TMTC4: variants seen among roughly 807,000 people sequenced by gnomAD.
TMTC4 encodes protein O-mannosyl-transferase TMTC4.
TMTC4 carries 65 observed loss-of-function variants against 86.0 expected under a neutral mutation model. That is an observed-to-expected ratio of 0.76 (90% CI 0.62 to 0.93). The LOEUF (loss-of-function observed/expected upper bound fraction) is 0.93, where lower values mean the gene tolerates loss of function less well. Ranked by LOEUF, TMTC4 falls within the 40% of genes least tolerant of loss-of-function variation. TMTC4 has a pLI of 0.00. For synonymous variants in TMTC4, 379 were observed against 382.5 expected (o/e 0.99, Z 0.11); for missense variants, 866 against 948.1 (o/e 0.91, Z 1.14).
chr13:100,668,233 AC>A, intron 3 of TMTC4: 1 of 177,206 alleles, frequency 5.6e-6, no homozygotes, highest in Middle Eastern at 2.5e-3. Context: ...TTTTTTTTGA[AC>A]AACTGTGGAA....
intron 15 of TMTC4, among the ~76,000 whole-genome samples, chr13:100,620,901 G>A (rs1355175326): frequency 6.6e-6 from 1 of 152,160 alleles, no homozygotes; most frequent in African/African-American, 2.4e-5. Context: ...TATATAAATG[G>A]GTTGGTTGAG....
intron 3 of TMTC4, among the ~76,000 whole-genome samples, chr13:100,665,489 G>A (rs535717107): frequency 3.9e-5 from 6 of 152,358 alleles, no homozygotes; most frequent in African/African-American, 9.6e-5. Context: ...GCAGGGCCAC[G>A]TGGCAGGAGC....
chr13:100,618,057 G>T (rs1878789970), intron 15 of TMTC4, among the ~76,000 whole-genome samples: 1 of 152,124 alleles, frequency 6.6e-6, no homozygotes, highest in Admixed American at 6.5e-5. Flanking sequence ...TCACCTCCTT[G>T]ATTAGCTGAA....
chr13:100,611,247 C>T (rs1252677075), intron 17 of TMTC4, among the ~76,000 whole-genome samples: 1 of 152,212 alleles, frequency 6.6e-6, no homozygotes, highest in East Asian at 1.9e-4. Context: ...GACTAAGGCA[C>T]TGCTTCTGTG....
chr13:100,661,006 G>C (rs1051816477), intron 5 of TMTC4, among the ~76,000 whole-genome samples: 6 of 152,166 alleles, frequency 3.9e-5, no homozygotes, highest in East Asian at 1.9e-4. Flanking sequence ...AATGCAGACA[G>C]AAGGAAACTG....
At chr13:100,642,155 T>C (rs1883096459) in intron 7 of TMTC4, 56 bp downstream of exon 7, 1 of 1,583,724 alleles carries the variant, frequency 6.3e-7, no homozygotes, top group Non-Finnish European at 8.7e-7. Context: ...GATGTCTTTA[T>C]AGGAGGGAAA....
At chr13:100,642,863 T>C (rs910012252) in intron 6 of TMTC4, among the ~76,000 whole-genome samples, 3 of 152,266 alleles carry the variant, frequency 2.0e-5, no homozygotes, top group African/African-American at 7.2e-5. Flanking sequence ...TACCAAAGGA[T>C]ACACAGCTAC....
rs564299227 is a variant in TMTC4, at chr13:100,652,649, T to C, written c.640+3732A>G. On this transcript the variant is annotated intron_variant, in intron 6 of 18. Transcript: ENST00000342624. The stretch of plus-strand genomic sequence containing the variant: ...TTTAATAGAAGATGAAGGAAGTAAG[T>C]AGAACAAAGGCCATGGCCTCCCACT... 7.8e-4 allele frequency among the ~76,000 whole-genome samples: 118 copies of C among 151,994 alleles called. 1 individual carries two copies. The highest frequency in any genetic ancestry group is 2.7e-3 in the African/African-American group (112 of 41,426).
intron 12 of TMTC4, among the ~76,000 whole-genome samples, chr13:100,631,166 A>C (rs1390995684): frequency 6.6e-6 from 1 of 152,246 alleles, no homozygotes; most frequent in Non-Finnish European, 1.5e-5. Flanking sequence ...TGCTGAGGCA[A>C]TGAACTAGCA....
chr13:100,611,400 A>G (rs1293423646), intron 17 of TMTC4, among the ~76,000 whole-genome samples: 1 of 152,076 alleles, frequency 6.6e-6, no homozygotes, highest in Non-Finnish European at 1.5e-5. Context: ...CCTGGCTAAC[A>G]CGGTGAAACC....
At chr13:100,616,557 G>A (rs1035315201) in intron 15 of TMTC4, among the ~76,000 whole-genome samples, 1 of 152,198 alleles carries the variant, frequency 6.6e-6, no homozygotes, top group African/African-American at 2.4e-5. Context: ...TCATGAGATT[G>A]CTGGGCCAAA....
intron 7 of TMTC4, among the ~76,000 whole-genome samples, chr13:100,640,267 C>T (rs969037486): frequency 3.3e-5 from 5 of 151,920 alleles, no homozygotes; most frequent in South Asian, 2.1e-4. Flanking sequence ...AGACCAGGGA[C>T]GCCACTAAAC....
intron 3 of TMTC4, among the ~76,000 whole-genome samples, chr13:100,664,581 C>A (rs750036196): frequency 2.6e-5 from 4 of 152,160 alleles, no homozygotes; most frequent in African/African-American, 7.2e-5. Context: ...CCTGGCTTCC[C>A]CCGAACTCTG....
chr13:100,660,559 A>T (rs1437065484), intron 5 of TMTC4, among the ~76,000 whole-genome samples: 1 of 152,028 alleles, frequency 6.6e-6, no homozygotes, highest in African/African-American at 2.4e-5. Flanking sequence ...CCAGCCAGAA[A>T]GTGGGGCTGG....
intron 6 of TMTC4, among the ~76,000 whole-genome samples, chr13:100,645,153 T>C (rs1447673235): frequency 1.3e-5 from 2 of 152,160 alleles, no homozygotes; most frequent in Non-Finnish European, 1.5e-5. Context: ...CTCTTTTGCC[T>C]TCAGGATAAT....
chr13:100,620,781 G>T (rs1879346800), intron 15 of TMTC4, among the ~76,000 whole-genome samples: 1 of 152,136 alleles, frequency 6.6e-6, no homozygotes, highest in South Asian at 2.1e-4. Context: ...TTGGGGTCTA[G>T]AAATCAAAAC....
chr13:100,627,167 C>T (rs1337418058), intron 12 of TMTC4, among the ~76,000 whole-genome samples: 2 of 152,188 alleles, frequency 1.3e-5, no homozygotes, highest in African/African-American at 4.8e-5. Context: ...TGAGCAAGGG[C>T]CTCGGTGTGG....
intron 17 of TMTC4, among the ~76,000 whole-genome samples, chr13:100,610,077 A>G (rs1442866607): frequency 6.6e-6 from 1 of 152,160 alleles, no homozygotes; most frequent in Non-Finnish European, 1.5e-5. Context: ...GGGACCAAAG[A>G]CTCGGCTCCA....
upstream of TMTC4, chr13:100,675,016 TC>T (rs1887690640): frequency 2.0e-6 from 2 of 985,462 alleles, no homozygotes; most frequent in Admixed American, 6.1e-5. Flanking sequence ...GCCGGTGACG[TC>T]AGGCCAGGGG....
Sources: allele counts gnomAD v4.1 joint callset (sites outside exome capture counted in the v4.1 genomes callset), GRCh38; gene constraint gnomAD v4.1.1; transcripts MANE v1.5; gene names NCBI Gene and HGNC (gene_info 2026-07-23, HGNC 2026-07-21).